TENM1: variants seen among roughly 807,000 people sequenced by gnomAD.
TENM1 encodes the protein teneurin-1.
In TENM1, 35 loss-of-function variants were observed where a neutral mutation model predicts 174.8. The ratio of observed to expected loss-of-function variants is 0.20; its 90% CI spans 0.15 to 0.27. The LOEUF (loss-of-function observed/expected upper bound fraction) is 0.27. TENM1 is among the 10% of genes least tolerant of loss of function. The pLI, the probability that TENM1 is intolerant of heterozygous loss-of-function variation, is 1.00. For synonymous variants in TENM1, 781 were observed against 798.7 expected (o/e 0.98, Z 0.37); for missense variants, 1,633 against 2,130.1 (o/e 0.77, Z 4.59).
chrX:124,910,979 G>A (rs1350921927), intron 1 of TENM1, among the ~76,000 whole-genome samples: 2 of 108,966 alleles, frequency 1.8e-5, no homozygotes, highest in Admixed American at 2.0e-4. Flanking sequence ...GCAGTGGTGC[G>A]ATCACAGCTC....
chrX:124,887,135 A>C (rs2057403762), intron 3 of TENM1, among the ~76,000 whole-genome samples: 1 of 111,167 alleles, frequency 9.0e-6, no homozygotes, highest in Non-Finnish European at 1.9e-5. Context: ...ATTATACAAG[A>C]GGTGTGTAAA....
At position 124,761,343 on chromosome X, in the gene TENM1, C is replaced by A. The variant is rs372532641; in HGVS notation, c.536-24146G>T. Reference sequence around the variant, plus strand: ...ATTAAGAAAATGTGGCACATATACACCATGGAATATTATGTGGCCATAAAA... The same window carrying A: ...ATTAAGAAAATGTGGCACATATACAACATGGAATATTATGTGGCCATAAAA... On this transcript the variant is annotated intron_variant, in intron 3 of 31. Coordinates refer to ENST00000422452, the Ensembl canonical transcript of TENM1. Among the ~76,000 whole-genome samples the A allele has an allele frequency of 5.4e-5, 6 of 110,105 alleles. No homozygotes were observed. The East Asian group carries it at 1.7e-3, about 32-fold the overall frequency.
chrX:125,014,428 T>C, the TENM1 span, among the ~76,000 whole-genome samples: 2 of 112,779 alleles, frequency 1.8e-5, no homozygotes, highest in Admixed American at 9.4e-5. Context: ...TGGAAGTTAA[T>C]AGATTCTTTA....
intron 14 of TENM1, among the ~76,000 whole-genome samples, chrX:124,560,121 CG>C (rs1191371375): frequency 1.6e-4 from 17 of 109,270 alleles, no homozygotes; most frequent in African/African-American, 5.7e-4. Context: ...AACTTCACTC[CG>C]GTTTCCAAAA....
At chrX:124,876,484 T>C (rs1374633993) in intron 3 of TENM1, among the ~76,000 whole-genome samples, 1 of 111,746 alleles carries the variant, frequency 8.9e-6, no homozygotes, top group Non-Finnish European at 1.9e-5. Flanking sequence ...AGAAGTAAAA[T>C]TGATTTGAAG....
the TENM1 span, among the ~76,000 whole-genome samples, chrX:125,195,012 T>C: frequency 1.8e-5 from 2 of 112,445 alleles, no homozygotes; most frequent in African/African-American, 6.4e-5. Flanking sequence ...CCAAAGATGA[T>C]TTTTTAATGT....
chrX:125,166,057 CTAAT>C, the TENM1 span, among the ~76,000 whole-genome samples: 1 of 111,183 alleles, frequency 9.0e-6, no homozygotes, highest in Non-Finnish European at 1.9e-5. Context: ...GGAGTAGACA[CTAAT>C]TATATACACT....
intron 3 of TENM1, among the ~76,000 whole-genome samples, chrX:124,758,465 G>A (rs891681765): frequency 9.0e-6 from 1 of 111,168 alleles, no homozygotes; most frequent in Non-Finnish European, 1.9e-5. Context: ...AGCTTCTATG[G>A]AAAAAAGTAT....
chrX:125,104,460 C>A, the TENM1 span, among the ~76,000 whole-genome samples: 2 of 111,657 alleles, frequency 1.8e-5, no homozygotes. Context: ...GAGATGTATT[C>A]CTGCAATTAT....
intron 23 of TENM1, among the ~76,000 whole-genome samples, chrX:124,452,258 T>A (rs2061047830): frequency 8.9e-6 from 1 of 112,341 alleles, no homozygotes; most frequent in Non-Finnish European, 1.9e-5. Flanking sequence ...CAGCCAACAG[T>A]CACATGAAAA....
At chrX:124,867,799 C>T (rs1377595201) in intron 3 of TENM1, among the ~76,000 whole-genome samples, 1 of 111,982 alleles carries the variant, frequency 8.9e-6, no homozygotes, top group Non-Finnish European at 1.9e-5. Flanking sequence ...TTGCAGGATA[C>T]AAAATCAACA....
At chrX:124,591,124 T>C (rs943293647) in intron 11 of TENM1, among the ~76,000 whole-genome samples, 2 of 112,045 alleles carry the variant, frequency 1.8e-5, no homozygotes, top group Admixed American at 9.5e-5. Context: ...CTGGGTGTCA[T>C]TATGTGTGAG....
chrX:124,768,899 A>G (rs1032857093), intron 3 of TENM1, among the ~76,000 whole-genome samples: 11 of 112,342 alleles, frequency 9.8e-5, no homozygotes, highest in African/African-American at 3.2e-4. Flanking sequence ...TACTTGTAGA[A>G]ATCACAATTG....
intron 23 of TENM1, among the ~76,000 whole-genome samples, chrX:124,449,392 G>C (rs2061003007): frequency 8.9e-6 from 1 of 111,976 alleles, no homozygotes; most frequent in African/African-American, 3.2e-5. Flanking sequence ...AATTATGTTT[G>C]GAAAGTGTCA....
At chrX:125,088,969 A>T in the TENM1 span, among the ~76,000 whole-genome samples, 1 of 111,532 alleles carries the variant, frequency 9.0e-6, no homozygotes, top group Non-Finnish European at 1.9e-5. Flanking sequence ...CCAGTGACGT[A>T]AAAAGGACTC....
the TENM1 span, among the ~76,000 whole-genome samples, chrX:125,005,733 G>C: frequency 9.1e-6 from 1 of 110,413 alleles, no homozygotes; most frequent in Non-Finnish European, 1.9e-5. Context: ...CATGGAGAGC[G>C]AGCAGAAGCA....
At chrX:124,530,491 C>T (rs972984766) in intron 15 of TENM1, among the ~76,000 whole-genome samples, 3 of 110,644 alleles carry the variant, frequency 2.7e-5, no homozygotes, top group Non-Finnish European at 5.7e-5. Flanking sequence ...CCCTACTGAC[C>T]GCCTTTTTCC....
chrX:124,953,363 T>C (rs1051615949), intron 1 of TENM1, among the ~76,000 whole-genome samples: 4 of 111,970 alleles, frequency 3.6e-5, no homozygotes, highest in Admixed American at 1.9e-4. Flanking sequence ...GTCTTTTCAC[T>C]TCACTCTTTA....
chrX:124,868,244 A>C (rs886927945), intron 3 of TENM1, among the ~76,000 whole-genome samples: 1 of 112,206 alleles, frequency 8.9e-6, no homozygotes, highest in Admixed American at 9.4e-5. Context: ...ACAGAGCTAT[A>C]GTAACCAAAA....
Sources: gnomAD v4.1 joint callset for allele counts (sites outside exome capture counted in the v4.1 genomes callset) on GRCh38, gnomAD v4.1.1 for gene constraint, MANE v1.5 for transcripts, NCBI Gene and HGNC (gene_info 2026-07-23, HGNC 2026-07-21) for gene names.